Variants in MATN2 observed in about 807,000 individuals in gnomAD.
The protein encoded by MATN2 is matrilin 2.
MATN2 carries 69 observed loss-of-function variants against 103.2 expected under a neutral mutation model. That is an observed-to-expected ratio of 0.67 (90% CI 0.55 to 0.82). The LOEUF is 0.82. Among genes scored for constraint, MATN2 ranks in the 40% least tolerant of loss-of-function variants. MATN2 has a pLI of 0.00. For synonymous variants in MATN2, 429 were observed against 450.2 expected (o/e 0.95, Z 0.60); for missense variants, 1,023 against 1,211.5 (o/e 0.84, Z 2.31).
intron 1 of MATN2, among the ~76,000 whole-genome samples, chr8:97,881,913 CTTTTTTTTTTT>C (rs34704905): frequency 2.4e-5 from 2 of 84,090 alleles, no homozygotes; most frequent in African/African-American, 9.1e-5. Flanking sequence ...TATTACTTAT[CTTTTTTTTTTT>C]TTTTTTTTTT....
At chr8:97,879,980 C>T (rs1274834795) in intron 1 of MATN2, among the ~76,000 whole-genome samples, 1 of 152,074 alleles carries the variant, frequency 6.6e-6, no homozygotes, top group Non-Finnish European at 1.5e-5. Flanking sequence ...TCTGTGAACT[C>T]ATAGAACAGT....
chr8:97,899,902 G>T (rs544885444), intron 2 of MATN2, among the ~76,000 whole-genome samples: 1 of 152,294 alleles, frequency 6.6e-6, no homozygotes, highest in East Asian at 1.9e-4. Context: ...AGGGTGATAT[G>T]AGAAACGCTG....
intron 1 of MATN2, among the ~76,000 whole-genome samples, chr8:97,874,231 G>T (rs771369477): frequency 6.6e-6 from 1 of 152,090 alleles, no homozygotes; most frequent in Admixed American, 6.5e-5. Flanking sequence ...TTCTCATGGG[G>T]CTAAAAATCC....
intron 2 of MATN2, among the ~76,000 whole-genome samples, chr8:97,929,543 C>G (rs1810111187): frequency 1.3e-5 from 2 of 152,202 alleles, no homozygotes; most frequent in Admixed American, 6.5e-5. Context: ...TCCAATATCA[C>G]CCTCGTACTA....
In MATN2 at chr8:97,912,760, C is replaced by A. The variant is rs182347494; in HGVS notation, c.143-18193C>A. On this transcript the variant is annotated intron_variant, in intron 2 of 18. Coordinates refer to ENST00000254898, the MANE Select transcript of MATN2 (RefSeq NM_002380.5). The stretch of plus-strand genomic sequence containing the variant: ...CCTGGTTGCCTTTTCTGTTCCACCC[C>A]GTTTGCCGACCTCAGTAGAGAGTGG... Among the ~76,000 whole-genome samples the A allele has an allele frequency of 3.3e-5, 5 of 152,184 alleles. No homozygotes were observed. In the East Asian group the frequency reaches 9.7e-4, roughly 29 times the overall value.
At chr8:97,995,595 G>A (rs1586136383) in intron 7 of MATN2, among the ~76,000 whole-genome samples, 1 of 152,192 alleles carries the variant, frequency 6.6e-6, no homozygotes, top group East Asian at 1.9e-4. Flanking sequence ...ATTTCTTCCT[G>A]ATGGTGTGTA....
In MATN2 at chr8:97,869,302, C is replaced by G. The variant is rs1407147329; in HGVS notation, c.-27+15C>G. The G allele has an allele frequency of 1.3e-5, 2 of 152,238 alleles. No homozygotes were observed. The highest frequency in any genetic ancestry group is 2.9e-5 in the Non-Finnish European group (2 of 68,052). The allele number at this position is 152,238 out of a possible 1,614,324, so 9.4% of individuals were successfully genotyped here. A position where few individuals can be genotyped will look rare whatever the true frequency, so the allele number is the denominator to read the frequency against. On this transcript the variant is annotated intron_variant, in intron 1 of 18. Coordinates refer to ENST00000254898, the MANE Select transcript of MATN2 (RefSeq NM_002380.5). ...GGCGGCTGCAGGTGAGCGCGGCGCG[C>G]TTTCCCCCGGCTCTGCGCGGCCGGG...
chr8:97,873,795 A>T (rs1428935278), intron 1 of MATN2, among the ~76,000 whole-genome samples: 1 of 151,332 alleles, frequency 6.6e-6, no homozygotes, highest in African/African-American at 2.4e-5. Context: ...GATTTTTGTA[A>T]AAACTTTTTT....
At chr8:97,916,217 G>A (rs1809625037) in intron 2 of MATN2, among the ~76,000 whole-genome samples, 1 of 151,812 alleles carries the variant, frequency 6.6e-6, no homozygotes, top group African/African-American at 2.4e-5. Flanking sequence ...TTGCAGGCAC[G>A]CGCTACAACA....
chr8:97,993,962 G>A (rs572966785), intron 6 of MATN2, among the ~76,000 whole-genome samples: 29 of 151,840 alleles, frequency 1.9e-4, no homozygotes, highest in South Asian at 4.2e-4. Context: ...TTGCATAAAC[G>A]TTTTGTAATA....
At position 98,007,063 on chromosome 8, in the gene MATN2, C is replaced by A; in HGVS notation, c.1328-42C>A. 1.9e-6 allele frequency: 3 copies of A among 1,558,962 alleles called. No individual in the cohort carries two copies. Among genetic ancestry groups the A allele is most frequent in the East Asian group, 2.4e-5 (1 of 41,856 alleles). ...AATCTTGGTTGCTGGTGGGGTATTGCCCCCTCGGCTCCTCTATGCTTTCGC... is the reference window on the plus strand; with the variant it reads ...AATCTTGGTTGCTGGTGGGGTATTGACCCCTCGGCTCCTCTATGCTTTCGC... On this transcript the variant is annotated intron_variant, in intron 8 of 18. Coordinates refer to ENST00000254898, the MANE Select transcript of MATN2 (RefSeq NM_002380.5). This position sits in a 1 kb window ranked among gnomAD's most constrained non-coding sequence, Gnocchi z 4.2.
rs566219253 is a variant in MATN2, at chr8:97,980,993, T to C, written c.1081+1985T>C. Reference sequence around the variant, plus strand: ...GAGTTTGAGACCAGCCCTGGTAATATGGAGGGACCCTATTTCTACAAAAAC... The same window carrying C: ...GAGTTTGAGACCAGCCCTGGTAATACGGAGGGACCCTATTTCTACAAAAAC... On this transcript the variant is annotated intron_variant, in intron 6 of 18. Coordinates refer to ENST00000254898, the MANE Select transcript of MATN2 (RefSeq NM_002380.5). Among the ~76,000 whole-genome samples, 6 of 151,974 alleles carry C rather than the reference T, an allele frequency of 3.9e-5. No homozygotes were observed. In the South Asian group the frequency reaches 1.3e-3, roughly 32 times the overall value.
At chr8:97,959,555 A>G (rs1811241607) in intron 4 of MATN2, among the ~76,000 whole-genome samples, 1 of 152,210 alleles carries the variant, frequency 6.6e-6, no homozygotes, top group African/African-American at 2.4e-5. Flanking sequence ...GGAGTTCTCA[A>G]TTGGAAATGT....
chr8:97,880,381 A>G (rs1818214943), intron 1 of MATN2, among the ~76,000 whole-genome samples: 1 of 152,162 alleles, frequency 6.6e-6, no homozygotes, highest in Non-Finnish European at 1.5e-5. Context: ...GAGTCCTTTA[A>G]AAATTAACTG....
intron 2 of MATN2, among the ~76,000 whole-genome samples, chr8:97,897,330 A>T (rs908211215): frequency 1.5e-4 from 23 of 152,262 alleles, no homozygotes; most frequent in African/African-American, 5.3e-4. Context: ...GATGAGTAAC[A>T]TCTGCAGAGA....
chr8:97,882,600 G>C (rs770363877), intron 1 of MATN2, among the ~76,000 whole-genome samples: 1 of 151,520 alleles, frequency 6.6e-6, no homozygotes, highest in Admixed American at 6.6e-5. Context: ...ATGGGATTTC[G>C]CCATGTTGCC....
chr8:98,002,356 G>T (rs2130376264), intron 7 of MATN2, among the ~76,000 whole-genome samples: 1 of 152,288 alleles, frequency 6.6e-6, no homozygotes, highest in African/African-American at 2.4e-5. Context: ...ACAGAGCAAG[G>T]CGAAGCATTT....
At chr8:97,979,944 T>G (rs1337990031) in intron 6 of MATN2, among the ~76,000 whole-genome samples, 3 of 152,196 alleles carry the variant, frequency 2.0e-5, no homozygotes, top group East Asian at 3.8e-4. Context: ...TACCTAAATA[T>G]CAGCAGCTTA....
intron 4 of MATN2, among the ~76,000 whole-genome samples, chr8:97,956,436 G>A (rs551593217): frequency 7.2e-5 from 11 of 152,262 alleles, no homozygotes; most frequent in Middle Eastern, 3.4e-3. Context: ...CTCGGTCTCC[G>A]AAAATGCTGG....
Sources: allele counts gnomAD v4.1 joint callset (sites outside exome capture counted in the v4.1 genomes callset), GRCh38; gene constraint gnomAD v4.1.1; non-coding constraint Gnocchi (gnomAD v3.1); transcripts MANE v1.5; gene names NCBI Gene and HGNC (gene_info 2026-07-23, HGNC 2026-07-21).